Variants in PDZD2 observed in about 807,000 individuals in gnomAD.
The protein encoded by PDZD2 is PDZ domain-containing protein 2.
Under a neutral mutation model 220.7 loss-of-function variants are expected in PDZD2, and 90 were observed. The ratio of observed to expected loss-of-function variants is 0.41; its 90% CI spans 0.34 to 0.49. The LOEUF (loss-of-function observed/expected upper bound fraction) is 0.49, where lower values mean the gene tolerates loss of function less well. Ranked by LOEUF, PDZD2 falls within the 20% of genes least tolerant of loss-of-function variation. The pLI is 0.28. For synonymous variants in PDZD2, 1,375 were observed against 1,450.5 expected, an observed-to-expected ratio of 0.95 and a Z score of 1.18; for missense variants, 3,174 against 3,608.5, an observed-to-expected ratio of 0.88 and a Z score of 3.08.
chr5:31,720,406 A>G (rs113996772), intron 1 of PDZD2, among the ~76,000 whole-genome samples: 1 of 152,378 alleles, frequency 6.6e-6, no homozygotes, highest in Non-Finnish European at 1.5e-5. Flanking sequence ...AGTGAAAAAA[A>G]TGCTATACTC....
intron 1 of PDZD2, chr5:31,738,722 G>T (rs1178034630): frequency 6.6e-6 from 1 of 152,072 alleles, no homozygotes; most frequent in Non-Finnish European, 1.5e-5. Context: ...TAAATGAAAT[G>T]AAATGAAATG....
At chr5:31,656,556 C>A (rs1745557877) in intron 1 of PDZD2, among the ~76,000 whole-genome samples, 2 of 152,146 alleles carry the variant, frequency 1.3e-5, no homozygotes, top group Admixed American at 1.3e-4. Flanking sequence ...CGTCTAAGCA[C>A]CATTGCCGAG....
At chr5:31,870,076 G>A (rs1358511959) in intron 2 of PDZD2, among the ~76,000 whole-genome samples, 2 of 152,178 alleles carry the variant, frequency 1.3e-5, no homozygotes, top group Non-Finnish European at 2.9e-5. Flanking sequence ...CTGTCCTGTG[G>A]GAGAGGCACC....
chr5:32,030,356 G>A (rs1043079224), intron 6 of PDZD2, among the ~76,000 whole-genome samples: 2 of 152,174 alleles, frequency 1.3e-5, no homozygotes, highest in African/African-American at 2.4e-5. Flanking sequence ...TACCTCTGCC[G>A]CCTCTTCCTT....
intron 1 of PDZD2, among the ~76,000 whole-genome samples, chr5:31,698,700 A>G (rs555778181): frequency 1.1e-3 from 166 of 152,176 alleles, no homozygotes; most frequent in Non-Finnish European, 1.9e-3. Context: ...ACTCCTCATC[A>G]CAATATCATG....
At position 31,887,846 on chromosome 5, in the gene PDZD2, C is replaced by T. The variant is rs1046615112; in HGVS notation, c.476+88122C>T. Among the ~76,000 whole-genome samples the T allele has an allele frequency of 2.0e-5, 3 of 150,054 alleles. No individual in the cohort carries two copies. The East Asian group carries it at 5.9e-4, about 30-fold the overall frequency. Reference sequence around the variant, plus strand: ...GGGGAGGGGGGGAACAGCACTTTTTCTAAAGGAAAAATAAAATGGATTGGT... The same window carrying T: ...GGGGAGGGGGGGAACAGCACTTTTTTTAAAGGAAAAATAAAATGGATTGGT... On this transcript the variant is annotated intron_variant, in intron 2 of 24. Coordinates refer to ENST00000438447, the MANE Select transcript of PDZD2 (RefSeq NM_178140.4).
chr5:31,892,989 T>C (rs1741194786), intron 2 of PDZD2, among the ~76,000 whole-genome samples: 1 of 152,084 alleles, frequency 6.6e-6, no homozygotes, highest in Non-Finnish European at 1.5e-5. Flanking sequence ...GGAGGAGCAA[T>C]GGAGAGGGCA....
intron 19 of PDZD2, among the ~76,000 whole-genome samples, chr5:32,079,007 C>T (rs2112427409): frequency 6.6e-6 from 1 of 151,782 alleles, no homozygotes; most frequent in African/African-American, 2.4e-5. Flanking sequence ...GCCTGTAATC[C>T]CAGCACTTTG....
intron 1 of PDZD2, among the ~76,000 whole-genome samples, chr5:31,679,321 T>C (rs1368632220): frequency 6.6e-6 from 1 of 152,254 alleles, no homozygotes; most frequent in Non-Finnish European, 1.5e-5. Context: ...ATATTTCCAG[T>C]AGCTTATGTT....
chr5:31,856,773 TTCA>T (rs1252512284), intron 2 of PDZD2, among the ~76,000 whole-genome samples: 2 of 152,136 alleles, frequency 1.3e-5, no homozygotes, highest in Non-Finnish European at 2.9e-5. Flanking sequence ...TTTTGCCTTC[TTCA>T]TCGTCTTCTG....
chr5:32,042,682 G>C (rs1428160639), intron 7 of PDZD2, among the ~76,000 whole-genome samples: 1 of 152,232 alleles, frequency 6.6e-6, no homozygotes. Context: ...ATGGATTGGG[G>C]ACCGAAAGGA....
chr5:32,040,111 TGAG>T (rs202160745), intron 7 of PDZD2, among the ~76,000 whole-genome samples: 2,658 of 142,018 alleles, frequency 0.019, 170 homozygotes, highest in African/African-American at 0.071. Context: ...ATCTGGGAAA[TGAG>T]GAGCACCTCT....
intron 1 of PDZD2, among the ~76,000 whole-genome samples, chr5:31,721,021 G>T (rs989105498): frequency 6.6e-6 from 1 of 152,166 alleles, no homozygotes; most frequent in African/African-American, 2.4e-5. Context: ...AACAAGGCAG[G>T]AGGAGGTTGG....
At chr5:31,898,129 G>T (rs1741741465) in intron 2 of PDZD2, among the ~76,000 whole-genome samples, 2 of 152,186 alleles carry the variant, frequency 1.3e-5, no homozygotes, top group South Asian at 4.1e-4. Flanking sequence ...CAGGCATTTT[G>T]TTTAGTGATG....
chr5:32,058,744 A>T (rs3909431), intron 12 of PDZD2, among the ~76,000 whole-genome samples: 1 of 151,130 alleles, frequency 6.6e-6, no homozygotes, highest in African/African-American at 2.4e-5. Flanking sequence ...AAAGAACAAA[A>T]GATTATAGTT....
At chr5:32,105,556 T>C (rs1277953812) in intron 24 of PDZD2, among the ~76,000 whole-genome samples, 2 of 152,166 alleles carry the variant, frequency 1.3e-5, no homozygotes, top group Non-Finnish European at 2.9e-5. Flanking sequence ...GAAAGCTAAA[T>C]AGCAGTTGAA....
At chr5:31,827,731 A>C (rs1445039119) in intron 2 of PDZD2, among the ~76,000 whole-genome samples, 1 of 152,072 alleles carries the variant, frequency 6.6e-6, no homozygotes, top group African/African-American at 2.4e-5. Flanking sequence ...ATAATTTTAA[A>C]ATGGCTTTAC....
intron 2 of PDZD2, among the ~76,000 whole-genome samples, chr5:31,823,626 A>G (rs1421258161): frequency 6.6e-6 from 1 of 152,220 alleles, no homozygotes; most frequent in Admixed American, 6.5e-5. Flanking sequence ...GCAGTCCCTG[A>G]TTGGCAACTC....
chr5:32,092,647 C>T (rs900903249), intron 20 of PDZD2, among the ~76,000 whole-genome samples: 1 of 152,172 alleles, frequency 6.6e-6, no homozygotes, highest in Admixed American at 6.6e-5. Flanking sequence ...CTGTTAAGCT[C>T]CAGCATTGGT....
Sources: gnomAD v4.1 joint callset for allele counts (sites outside exome capture counted in the v4.1 genomes callset) on GRCh38, gnomAD v4.1.1 for gene constraint, MANE v1.5 for transcripts, NCBI Gene and HGNC (gene_info 2026-07-23, HGNC 2026-07-21) for gene names.